PDE4D: variants seen among roughly 807,000 people sequenced by gnomAD.
The protein encoded by PDE4D is 3',5'-cyclic-AMP phosphodiesterase 4D.
In PDE4D, 24 loss-of-function variants were observed where a neutral mutation model predicts 87.4. The ratio of observed to expected loss-of-function variants is 0.27; its 90% CI spans 0.20 to 0.39. The LOEUF is 0.39. Among genes scored for constraint, PDE4D ranks in the 10% least tolerant of loss-of-function variants. The pLI is 1.00. For synonymous variants in PDE4D, 384 were observed against 383.2 expected (o/e 1.00, Z -0.02); for missense variants, 714 against 1,041.0 (o/e 0.69, Z 4.32).
chr5:59,369,126 A>C (rs1473811094), intron 1 of PDE4D, among the ~76,000 whole-genome samples: 1 of 152,204 alleles, frequency 6.6e-6, no homozygotes, highest in East Asian at 1.9e-4. Flanking sequence ...ACTATCTAGA[A>C]ATTCTACTGT....
intron 1 of PDE4D, among the ~76,000 whole-genome samples, chr5:59,424,861 G>C (rs1008309814): frequency 6.6e-6 from 1 of 152,180 alleles, no homozygotes; most frequent in Admixed American, 6.5e-5. Flanking sequence ...ATTTAGGCAA[G>C]AGTTCAGCAG....
At chr5:60,485,283 A>G (rs955676004) in intron 1 of PDE4D, among the ~76,000 whole-genome samples, 2 of 152,284 alleles carry the variant, frequency 1.3e-5, no homozygotes, top group African/African-American at 4.8e-5. Context: ...TTGAAAACAC[A>G]AAGTAAGAAT....
At chr5:59,397,300 C>T (rs1394223437) in intron 1 of PDE4D, among the ~76,000 whole-genome samples, 1 of 124,576 alleles carries the variant, frequency 8.0e-6, no homozygotes, top group Non-Finnish European at 1.7e-5. Context: ...CCACACCACA[C>T]CTATTCCAAA....
intron 6 of PDE4D, among the ~76,000 whole-genome samples, chr5:59,004,754 C>A (rs1353071896): frequency 6.6e-6 from 1 of 152,216 alleles, no homozygotes; most frequent in Non-Finnish European, 1.5e-5. Context: ...GTGTGGGACA[C>A]ACAGCAAACC....
chr5:60,460,179 C>T (rs1233660707), intron 1 of PDE4D: 1 of 1,568,638 alleles, frequency 6.4e-7, no homozygotes, highest in African/African-American at 1.4e-5. Flanking sequence ...AACATTTCAT[C>T]AAATCCTTTC....
chr5:59,296,504 C>A (rs1769129952), intron 1 of PDE4D, among the ~76,000 whole-genome samples: 1 of 152,014 alleles, frequency 6.6e-6, no homozygotes, highest in Non-Finnish European at 1.5e-5. Context: ...GTTACATAAG[C>A]CAGAGAAGGT....
intron 1 of PDE4D, among the ~76,000 whole-genome samples, chr5:59,891,863 GTCAA>G (rs1203114529): frequency 6.6e-5 from 10 of 152,176 alleles, no homozygotes; most frequent in African/African-American, 2.4e-4. Flanking sequence ...CCAACCTACT[GTCAA>G]TCAGAGTTGG....
intron 1 of PDE4D, among the ~76,000 whole-genome samples, chr5:60,328,827 C>T (rs914933218): frequency 6.6e-6 from 1 of 151,622 alleles, no homozygotes; most frequent in African/African-American, 2.4e-5. Flanking sequence ...AAAAAGCGCA[C>T]CCTAATCTTT....
At chr5:59,217,109 A>T in intron 1 of PDE4D, 1 of 438,938 alleles carries the variant, frequency 2.3e-6, no homozygotes, top group South Asian at 1.6e-5. Flanking sequence ...TCTTAACGTC[A>T]TAGTCCTTAT....
intron 1 of PDE4D, among the ~76,000 whole-genome samples, chr5:60,294,609 A>C (rs557987451): frequency 9.2e-5 from 14 of 152,196 alleles, no homozygotes; most frequent in African/African-American, 3.4e-4. Context: ...TCATTTATAA[A>C]TAAGCCTCTC....
chr5:59,226,083 C>T (rs1226210063), intron 1 of PDE4D, among the ~76,000 whole-genome samples: 1 of 151,586 alleles, frequency 6.6e-6, no homozygotes, highest in Non-Finnish European at 1.5e-5. Context: ...CTATAAAAAA[C>T]AGTATGGAAG....
chr5:59,460,524 G>T (rs1027603689), intron 1 of PDE4D, among the ~76,000 whole-genome samples: 1 of 152,122 alleles, frequency 6.6e-6, no homozygotes, highest in East Asian at 1.9e-4. Flanking sequence ...AACACCATGA[G>T]TGGTACTGTC....
intron 1 of PDE4D, among the ~76,000 whole-genome samples, chr5:60,285,055 A>G (rs1286146808): frequency 4.6e-5 from 7 of 152,000 alleles, no homozygotes; most frequent in African/African-American, 1.7e-4. Flanking sequence ...AATCATTCAC[A>G]TTTCCTCCCA....
intron 1 of PDE4D, among the ~76,000 whole-genome samples, chr5:60,457,247 C>G (rs1188029122): frequency 6.6e-6 from 1 of 152,140 alleles, no homozygotes; most frequent in Non-Finnish European, 1.5e-5. Context: ...TAAAATAACA[C>G]AAGGATACAA....
intron 1 of PDE4D, among the ~76,000 whole-genome samples, chr5:60,329,103 G>A (rs186226298): frequency 2.0e-5 from 3 of 152,130 alleles, no homozygotes; most frequent in Non-Finnish European, 4.4e-5. Flanking sequence ...CCTTATGAGG[G>A]CTCCTGTGTT....
chr5:59,892,889 G>A (rs1751161241), intron 1 of PDE4D, among the ~76,000 whole-genome samples: 1 of 132,394 alleles, frequency 7.6e-6, no homozygotes, highest in African/African-American at 3.0e-5. Context: ...ACTGGGAAGC[G>A]CGCGCACCAC....
At chr5:59,909,048 T>C (rs572509528) in intron 3 of PDE4D, among the ~76,000 whole-genome samples, 83 of 152,324 alleles carry the variant, frequency 5.4e-4, no homozygotes, top group African/African-American at 1.8e-3. Context: ...TTAACAAAAA[T>C]ATCAAATATG....
In PDE4D at chr5:58,983,381, A is replaced by G. The variant is rs146962960; in HGVS notation, c.1552+5112T>C. On this transcript the variant is annotated intron_variant, in intron 11 of 14. Transcript: ENST00000340635. ...TTTAGTGTCTGCTCGGACCTGATAG[A>G]TCGTGTATTACACTACTTTTATTTG... 9.1e-3 allele frequency among the ~76,000 whole-genome samples: 1,379 copies of G among 152,306 alleles called. 9 individuals are homozygous for G. The highest frequency in any genetic ancestry group is 0.026 in the South Asian group (125 of 4,832).
At chr5:60,327,553 C>T (rs1189779125) in intron 1 of PDE4D, among the ~76,000 whole-genome samples, 1 of 152,114 alleles carries the variant, frequency 6.6e-6, no homozygotes, top group African/African-American at 2.4e-5. Flanking sequence ...TTCTGCCATC[C>T]TTCAATATTA....
Sources: gnomAD v4.1 joint callset for allele counts (sites outside exome capture counted in the v4.1 genomes callset) on GRCh38, gnomAD v4.1.1 for gene constraint, MANE v1.5 for transcripts, NCBI Gene and HGNC (gene_info 2026-07-23, HGNC 2026-07-21) for gene names.